Variants in PDS5B observed in about 807,000 individuals in gnomAD.
PDS5B encodes the protein PDS5 cohesin associated factor B.
PDS5B carries 51 observed loss-of-function variants against 184.1 expected under a neutral mutation model. That is an observed-to-expected ratio of 0.28 (90% CI 0.22 to 0.35). The LOEUF is 0.35. Among genes scored for constraint, PDS5B ranks in the 10% least tolerant of loss-of-function variants. The probability of loss-of-function intolerance (pLI) is 1.00; values close to 1 mark genes in which losing one functional copy is unlikely to be tolerated. For missense variants in PDS5B, 1,180 were observed against 1,723.3 expected (o/e 0.68, Z 5.58); for synonymous variants, 566 against 569.2 (o/e 0.99, Z 0.08).
At chr13:32,616,349 C>G (rs1304327121) in intron 1 of PDS5B, among the ~76,000 whole-genome samples, 2 of 151,938 alleles carry the variant, frequency 1.3e-5, no homozygotes, top group African/African-American at 4.8e-5. Flanking sequence ...GCCACTGCGC[C>G]TGGCCCCTCC....
chr13:32,643,791 TATG>T (rs1195426897), intron 1 of PDS5B, among the ~76,000 whole-genome samples: 1 of 152,166 alleles, frequency 6.6e-6, no homozygotes, highest in Non-Finnish European at 1.5e-5. Context: ...AAGTACACTG[TATG>T]ATGTTTGCAC....
chr13:32,668,917 C>T (rs555649042), intron 7 of PDS5B, among the ~76,000 whole-genome samples: 2 of 152,144 alleles, frequency 1.3e-5, no homozygotes, highest in East Asian at 1.9e-4. Context: ...CCCAAGCATA[C>T]GATGATTTGG....
chr13:32,681,221 T>C (rs1951229908), intron 10 of PDS5B, among the ~76,000 whole-genome samples: 1 of 152,210 alleles, frequency 6.6e-6, no homozygotes, highest in South Asian at 2.1e-4. Context: ...GAAGATTCTT[T>C]CTTTCTCCCC....
At chr13:32,734,556 G>A (rs868008654) in intron 20 of PDS5B, among the ~76,000 whole-genome samples, 1 of 152,156 alleles carries the variant, frequency 6.6e-6, no homozygotes. Context: ...AGTCTAGTGG[G>A]TGTTTGAATG....
intron 1 of PDS5B, among the ~76,000 whole-genome samples, chr13:32,635,234 C>T (rs2058528241): frequency 1.8e-5 from 2 of 109,884 alleles, no homozygotes; most frequent in Admixed American, 1.3e-4. Context: ...GGGGGGGTCT[C>T]ACTGTATTGC....
chr13:32,667,854 A>C lies in PDS5B; in HGVS notation c.705+10A>C, dbSNP rs766085961. 4.0e-6 allele frequency: 6 copies of C among 1,486,454 alleles called. No homozygotes were observed. In the East Asian group the frequency reaches 1.2e-4, roughly 29 times the overall value. 92.1% of individuals were successfully genotyped at this position (1,486,454 alleles called of 1,614,324 possible). On this transcript the variant is annotated intron_variant, in intron 7 of 34. Transcript: ENST00000315596. ...GCCATATATTACCAATGTAAGTCTTACTTGTAATTGGTTGTCAGAAGGATT... is the reference window on the plus strand; with the variant it reads ...GCCATATATTACCAATGTAAGTCTTCCTTGTAATTGGTTGTCAGAAGGATT...
At chr13:32,721,300 G>A (rs975076629) in intron 19 of PDS5B, among the ~76,000 whole-genome samples, 5 of 151,348 alleles carry the variant, frequency 3.3e-5, no homozygotes, top group Non-Finnish European at 7.4e-5. Context: ...GGTGGCTGCC[G>A]GGCGGGGGAA....
At chr13:32,711,588 C>T (rs747389376) in intron 19 of PDS5B, among the ~76,000 whole-genome samples, 2 of 151,164 alleles carry the variant, frequency 1.3e-5, no homozygotes, top group Admixed American at 6.6e-5. Flanking sequence ...CAACTCCTGG[C>T]CTCAAGTGAT....
At position 32,659,237 on chromosome 13, in the gene PDS5B, A is replaced by G; in HGVS notation, c.581A>G (p.Glu194Gly). 1.3e-6 allele frequency: 2 copies of G among 1,597,488 alleles called. No homozygotes were observed. The highest frequency in any genetic ancestry group is 1.7e-6 in the Non-Finnish European group (2 of 1,169,370). ...IICEGDTVSQELLDTVLVNLV... is the reference protein window; with the variant it reads ...IICEGDTVSQGLLDTVLVNLV... ...TGTGAAGGTGATACAGTGTCTCAGG[A>G]GCTTTTGGATACGGTTTTAGTAAAT... The change falls in exon 6 of 35, where the codon GAG becomes GGG. Residue 194 changes from glutamate to glycine, a missense_variant. By Grantham distance (98) the Glu-to-Gly change is moderately conservative. This residue lies in a region of PDS5B where 79 missense variants were observed against 124.6 expected (regional missense o/e 0.63). Coordinates refer to ENST00000315596, the MANE Select transcript of PDS5B (RefSeq NM_015032.4).
intron 6 of PDS5B, 27 bp downstream of exon 6, chr13:32,659,307 G>A (rs763569753): frequency 2.7e-6 from 4 of 1,500,232 alleles, no homozygotes; most frequent in South Asian, 1.4e-5. Flanking sequence ...ACTGTAATGT[G>A]TCTAATGCCC....
At chr13:32,737,461 C>G (rs1045781026) in intron 21 of PDS5B, among the ~76,000 whole-genome samples, 4 of 152,158 alleles carry the variant, frequency 2.6e-5, no homozygotes, top group Non-Finnish European at 1.5e-5. Flanking sequence ...ATCCCCCTTT[C>G]ACTTTCAGAA....
intron 19 of PDS5B, among the ~76,000 whole-genome samples, chr13:32,721,333 G>T (rs930464396): frequency 5.3e-5 from 8 of 151,368 alleles, no homozygotes; most frequent in African/African-American, 2.0e-4. Context: ...CAGACGGGGC[G>T]GCTGCCGGGC....
chr13:32,775,907 G>T lies in PDS5B; in HGVS notation c.*855G>T. The T allele has an allele frequency of 3.6e-6, 1 of 276,262 alleles. No homozygotes were observed. Among genetic ancestry groups the T allele is most frequent in the East Asian group, 1.0e-4 (1 of 10,042 alleles). 17.1% of individuals were successfully genotyped at this position (276,262 alleles called of 1,614,324 possible). On this transcript the variant is annotated 3_prime_UTR_variant, in exon 35 of 35. Transcript: ENST00000315596. Reference sequence around the variant, plus strand: ...CAATAAAATTCTGTAATTTGAATGAGTTTTTAATAGTCTAGAATGTTATTG... The same window carrying T: ...CAATAAAATTCTGTAATTTGAATGATTTTTTAATAGTCTAGAATGTTATTG...
chr13:32,622,765 G>A (rs1386844310), intron 1 of PDS5B, among the ~76,000 whole-genome samples: 1 of 151,996 alleles, frequency 6.6e-6, no homozygotes, highest in Non-Finnish European at 1.5e-5. Flanking sequence ...TTTTGTGATG[G>A]CTTCTGTATG....
intron 19 of PDS5B, among the ~76,000 whole-genome samples, chr13:32,724,530 AT>A (rs1283416451): frequency 6.6e-6 from 1 of 151,882 alleles, no homozygotes; most frequent in Non-Finnish European, 1.5e-5. Context: ...CCATAGACTG[AT>A]TTTTGCTAAT....
intron 19 of PDS5B, among the ~76,000 whole-genome samples, chr13:32,721,833 C>T (rs1165442561): frequency 4.0e-5 from 6 of 150,636 alleles, no homozygotes; most frequent in South Asian, 2.1e-4. Flanking sequence ...ACTTCCTAGA[C>T]GGGATGACGG....
intron 13 of PDS5B, chr13:32,690,648 A>G (rs1194116388): frequency 6.6e-6 from 1 of 152,190 alleles, no homozygotes; most frequent in Admixed American, 6.5e-5. Context: ...TTGTTATAAA[A>G]CTAAACATGT....
In PDS5B at chr13:32,751,316, T is replaced by C. The variant is rs575503771; in HGVS notation, c.2737-2016T>C. Reference sequence around the variant, plus strand: ...TGTGAATAGTGCTGCAGTGAACATATACATACATACATGTGCCTTCATGGT... The same window carrying C: ...TGTGAATAGTGCTGCAGTGAACATACACATACATACATGTGCCTTCATGGT... On this transcript the variant is annotated intron_variant, in intron 24 of 34. Coordinates refer to ENST00000315596, the MANE Select transcript of PDS5B (RefSeq NM_015032.4). 1.6e-4 allele frequency among the ~76,000 whole-genome samples: 25 copies of C among 152,358 alleles called. No individual in the cohort carries two copies. The South Asian group carries it at 4.8e-3, about 29-fold the overall frequency.
Position 32,675,936 on chromosome 13 carries a change from A to G in PDS5B, c.939A>G (p.Pro313=). ...KDSELASQNK[P]LWQCYLGRFN... is the part of the protein sequence containing the mutation. ...CAGAATTGGCTTCTCAAAACAAGCC[A>G]CTTTGGCAGTGCTACTTGGGCAGGT... The change falls in exon 9 of 35, where the codon CCA becomes CCG. Residue 313 remains proline (P), a synonymous_variant. Transcript: ENST00000315596. 1.2e-6 allele frequency: 2 copies of G among 1,613,008 alleles called. No individual in the cohort carries two copies. The highest frequency in any genetic ancestry group is 1.7e-6 in the Non-Finnish European group (2 of 1,179,036).
Sources: allele counts gnomAD v4.1 joint callset (sites outside exome capture counted in the v4.1 genomes callset), GRCh38; gene constraint gnomAD v4.1.1; regional missense constraint gnomAD v4.1.1; transcripts MANE v1.5; gene names NCBI Gene and HGNC (gene_info 2026-07-23, HGNC 2026-07-21).